The following SHC3 variants were observed in gnomAD, a reference collection of about 807,000 sequenced individuals.
The protein encoded by SHC3 is SHC-transforming protein 3.
Under a neutral mutation model 60.4 loss-of-function variants are expected in SHC3, and 15 were observed. The observed-to-expected ratio is 0.25, with a 90% CI of 0.17 to 0.38. SHC3 has a LOEUF of 0.38. Ranked by LOEUF, SHC3 falls within the 10% of genes least tolerant of loss-of-function variation. The pLI, the probability that SHC3 is intolerant of heterozygous loss-of-function variation, is 1.00. For missense variants in SHC3, 677 were observed against 786.1 expected (o/e 0.86, Z 1.66); for synonymous variants, 294 against 325.9 (o/e 0.90, Z 1.05).
Position 89,119,826 on chromosome 9 carries a change from T to C in SHC3, c.475-7200A>G, listed in dbSNP as rs556010071. Among the ~76,000 whole-genome samples, 6 of 152,276 alleles carry C rather than the reference T, an allele frequency of 3.9e-5. No individual in the cohort carries two copies. In the South Asian group the frequency reaches 1.2e-3, roughly 32 times the overall value. ...TGATCCTTAAGAACACAAAGAAATT[T>C]CTGAAGAAGATAAAAAGGAACTGGT... is the stretch of plus-strand genomic sequence containing the variant. On this transcript the variant is annotated intron_variant, in intron 1 of 11. Transcript: ENST00000375835.
intron 1 of SHC3, among the ~76,000 whole-genome samples, chr9:89,134,340 AG>A (rs1826291011): frequency 6.6e-6 from 1 of 152,144 alleles, no homozygotes; most frequent in Non-Finnish European, 1.5e-5. Flanking sequence ...ATTGTTAAAA[AG>A]ATTCTTTGTG....
intron 11 of SHC3, among the ~76,000 whole-genome samples, chr9:89,017,225 T>C (rs1826112234): frequency 6.6e-6 from 1 of 152,210 alleles, no homozygotes; most frequent in Non-Finnish European, 1.5e-5. Flanking sequence ...GCTGGAGGCA[T>C]CATACTACCT....
At chr9:89,115,678 G>A (rs1413733997) in intron 1 of SHC3, among the ~76,000 whole-genome samples, 1 of 152,102 alleles carries the variant, frequency 6.6e-6, no homozygotes, top group Non-Finnish European at 1.5e-5. Context: ...ACTGCACAGT[G>A]CATGTCAACC....
intron 1 of SHC3, among the ~76,000 whole-genome samples, chr9:89,121,137 G>A (rs1436566665): frequency 6.6e-6 from 1 of 152,082 alleles, no homozygotes; most frequent in Non-Finnish European, 1.5e-5. Context: ...TTATATGACT[G>A]CTGTCATATG....
chr9:89,013,662 G>A (rs1172636915), intron 11 of SHC3, 87 bp from the exon 12 acceptor site: 1 of 1,507,468 alleles, frequency 6.6e-7, no homozygotes, highest in East Asian at 2.4e-5. Flanking sequence ...CAGACCATCT[G>A]AACTGGCCCA....
Position 89,027,327 on chromosome 9 carries a change from AT to A in SHC3, c.1656+10665del, listed in dbSNP as rs540788767. ...ACAACTAGTGATGGGTGAAATTCTG[AT>A]TTTTTTTTTTTGAGACTGAGTCTCG... On this transcript the variant is annotated intron_variant, in intron 11 of 11. Coordinates refer to ENST00000375835, the MANE Select transcript of SHC3 (RefSeq NM_016848.6). Among the ~76,000 whole-genome samples, 60 of 130,244 alleles carry A rather than the reference AT, an allele frequency of 4.6e-4. 1 individual carries two copies. Among genetic ancestry groups the A allele is most frequent in the Admixed American group, 9.8e-4 (13 of 13,262 alleles). The allele number at this position is 130,244 out of a possible 152,430, so 85.4% of individuals were successfully genotyped here. A position where few individuals can be genotyped will look rare whatever the true frequency, so the allele number is the denominator to read the frequency against.
chr9:89,101,489 G>A (rs534323230), intron 2 of SHC3, among the ~76,000 whole-genome samples: 10 of 152,038 alleles, frequency 6.6e-5, no homozygotes, highest in Non-Finnish European at 1.3e-4. Flanking sequence ...CATTTTTAGT[G>A]GATGCCCTGT....
At chr9:89,053,739 G>A (rs1428037169) in intron 6 of SHC3, among the ~76,000 whole-genome samples, 1 of 152,184 alleles carries the variant, frequency 6.6e-6, no homozygotes, top group Non-Finnish European at 1.5e-5. Flanking sequence ...TTTTAGTATT[G>A]ACATTATTAT....
At chr9:89,096,747 T>A (rs868368767) in intron 2 of SHC3, among the ~76,000 whole-genome samples, 2 of 152,280 alleles carry the variant, frequency 1.3e-5, no homozygotes, top group South Asian at 4.2e-4. Context: ...GTTACAATGT[T>A]AGGGGGAGAC....
At chr9:89,059,041 G>T (rs1444314865) in intron 6 of SHC3, among the ~76,000 whole-genome samples, 6 of 150,964 alleles carry the variant, frequency 4.0e-5, no homozygotes, top group Non-Finnish European at 5.9e-5. Flanking sequence ...CGTGGTGGAG[G>T]ATGTGGTGGA....
At chr9:89,055,662 C>T (rs953037817) in intron 6 of SHC3, among the ~76,000 whole-genome samples, 3 of 152,138 alleles carry the variant, frequency 2.0e-5, no homozygotes, top group Non-Finnish European at 2.9e-5. Context: ...GCTCTTAGCC[C>T]GTCACACAGA....
At position 89,012,092 on chromosome 9, in the gene SHC3, G is replaced by T. The variant is rs1324036914; in HGVS notation, c.*1355C>A. 6.6e-6 allele frequency: 1 copy of T among 152,154 alleles called. No homozygotes were observed. Among genetic ancestry groups the T allele is most frequent in the Non-Finnish European group, 1.5e-5 (1 of 68,044 alleles). 9.4% of individuals were successfully genotyped at this position (152,154 alleles called of 1,614,324 possible). ...ACCCTACAGGGTGCTGTACCCTGTG[G>T]GGTCTCACCAGAACAAGAGCCACGC... On this transcript the variant is annotated 3_prime_UTR_variant, in exon 12 of 12. Transcript: ENST00000375835.
At chr9:89,166,254 G>A (rs974912075) in intron 1 of SHC3, among the ~76,000 whole-genome samples, 9 of 152,094 alleles carry the variant, frequency 5.9e-5, no homozygotes, top group African/African-American at 2.2e-4. Context: ...GCAGCCCCTG[G>A]TATTTTCTCT....
chr9:89,146,838 G>T (rs935773706), intron 1 of SHC3, among the ~76,000 whole-genome samples: 1 of 152,198 alleles, frequency 6.6e-6, no homozygotes, highest in Non-Finnish European at 1.5e-5. Flanking sequence ...CTCATTCACT[G>T]CTAGCACGGG....
At chr9:89,108,990 T>C (rs1053940606) in intron 2 of SHC3, 6 of 920,298 alleles carry the variant, frequency 6.5e-6, no homozygotes, top group Non-Finnish European at 6.5e-6. Flanking sequence ...TAATAGAACC[T>C]TCAAAGCATT....
rs1242474385 is a variant in SHC3 at position 89,012,433 on chromosome 9, A to G, written c.*1014T>C. The G allele has an allele frequency of 2.0e-5, 3 of 152,188 alleles. No individual in the cohort carries two copies. Among genetic ancestry groups the G allele is most frequent in the African/African-American group, 4.8e-5 (2 of 41,436 alleles). The allele number at this position is 152,188 out of a possible 1,614,324, so 9.4% of individuals were successfully genotyped here. On this transcript the variant is annotated 3_prime_UTR_variant, in exon 12 of 12. Coordinates refer to ENST00000375835, the MANE Select transcript of SHC3 (RefSeq NM_016848.6). ...CTGGGTTTCTGGCACATGCAGCCCC[A>G]GAAGCCTCAATACCTGAGTCTTCGG...
intron 1 of SHC3, among the ~76,000 whole-genome samples, chr9:89,143,394 CT>C (rs1826422951): frequency 1.3e-5 from 2 of 152,046 alleles, no homozygotes; most frequent in African/African-American, 4.8e-5. Flanking sequence ...TCTTTATGAC[CT>C]TTATCTCGTG....
intron 2 of SHC3, among the ~76,000 whole-genome samples, chr9:89,087,483 G>A (rs1386150193): frequency 6.6e-6 from 1 of 152,158 alleles, no homozygotes; most frequent in African/African-American, 2.4e-5. Context: ...GTGCCTGCAG[G>A]GGGACGAGGT....
At chr9:89,019,933 G>T (rs992153388) in intron 11 of SHC3, among the ~76,000 whole-genome samples, 1 of 152,138 alleles carries the variant, frequency 6.6e-6, no homozygotes, top group African/African-American at 2.4e-5. Context: ...AGGGAGAGAA[G>T]CTGGAGGAAG....
Sources: allele counts gnomAD v4.1 joint callset (sites outside exome capture counted in the v4.1 genomes callset), GRCh38; gene constraint gnomAD v4.1.1; transcripts MANE v1.5; gene names NCBI Gene and HGNC (gene_info 2026-07-23, HGNC 2026-07-21).